The following CEP63 variants were observed in gnomAD, a reference collection of about 807,000 sequenced individuals.
The protein encoded by CEP63 is centrosomal protein 63, also known as centrosomal protein of 63 kDa.
In CEP63, 84 loss-of-function variants were observed where a neutral mutation model predicts 89.1. The observed-to-expected ratio is 0.94, with a 90% CI of 0.79 to 1.13. The LOEUF (loss-of-function observed/expected upper bound fraction) is 1.13. CEP63 is among the 50% of genes most tolerant of loss of function. The pLI, the probability that CEP63 is intolerant of heterozygous loss-of-function variation, is 0.00. For synonymous variants in CEP63, 267 were observed against 272.5 expected (o/e 0.98, Z 0.20); for missense variants, 838 against 813.3 (o/e 1.03, Z -0.37).
the CEP63 span, among the ~76,000 whole-genome samples, chr3:134,707,301 G>A: frequency 6.6e-6 from 1 of 152,044 alleles, no homozygotes; most frequent in African/African-American, 2.4e-5. Context: ...TTTTTTTTCA[G>A]GAGCTCAGAG....
chr3:134,561,843 T>C lies in CEP63; in HGVS notation c.*308T>C. The C allele has an allele frequency of 4.5e-6, 5 of 1,105,956 alleles. No homozygotes were observed. The highest frequency in any genetic ancestry group is 5.5e-6 in the Non-Finnish European group (5 of 903,356). The allele number at this position is 1,105,956 out of a possible 1,614,324, so 68.5% of individuals were successfully genotyped here. ...GACTTAAATGTGAATAGCTATGTAC[T>C]AATTGAAATAAGGATTTTATGATAC... On this transcript the variant is annotated 3_prime_UTR_variant, in exon 15 of 15. Transcript: ENST00000675561.
At chr3:134,664,758 CT>C in the CEP63 span, among the ~76,000 whole-genome samples, 100 of 100,144 alleles carry the variant, frequency 1.0e-3, 1 homozygote, top group South Asian at 5.3e-3. Context: ...TTGGAAGAGT[CT>C]TTTCATTTTT....
At chr3:134,510,692 A>G in intron 3 of CEP63, 2 of 571,826 alleles carry the variant, frequency 3.5e-6, no homozygotes, top group Non-Finnish European at 6.6e-6. Flanking sequence ...CTAGCATGAA[A>G]CTGGAGGTGA....
At chr3:134,705,269 G>A in the CEP63 span, among the ~76,000 whole-genome samples, 1 of 152,150 alleles carries the variant, frequency 6.6e-6, no homozygotes, top group East Asian at 1.9e-4. Context: ...TTTTTGTGCT[G>A]TGTCATAACA....
At chr3:134,703,672 A>G in the CEP63 span, among the ~76,000 whole-genome samples, 1 of 152,122 alleles carries the variant, frequency 6.6e-6, no homozygotes, top group Admixed American at 6.5e-5. Flanking sequence ...AGAATAGCTA[A>G]TGGATGCTGG....
chr3:134,719,127 T>C, the CEP63 span, among the ~76,000 whole-genome samples: 1 of 152,164 alleles, frequency 6.6e-6, no homozygotes, highest in Admixed American at 6.5e-5. Flanking sequence ...GTACAAGGAC[T>C]TGTTTTCATC....
chr3:134,604,348 G>A, the CEP63 span: 2 of 1,613,972 alleles, frequency 1.2e-6, no homozygotes, highest in Non-Finnish European at 1.7e-6. Context: ...CATGGTTGGA[G>A]GGTACACCTC....
Position 134,488,465 on chromosome 3 carries a change from C to T in CEP63, c.-26+2263C>T, listed in dbSNP as rs902550391. On this transcript the variant is annotated intron_variant, in intron 1 of 14. Transcript: ENST00000675561. ...CTACTGAAAATGCAATAAAATTAGC[C>T]GAGTGTGGTGGTGTGCGCCTGTAAT... Among the ~76,000 whole-genome samples the T allele has an allele frequency of 4.6e-5, 7 of 151,756 alleles. No individual in the cohort carries two copies. In the South Asian group the frequency reaches 6.2e-4, roughly 14 times the overall value.
At chr3:134,517,098 A>G (rs570406593) in intron 3 of CEP63, among the ~76,000 whole-genome samples, 1 of 152,248 alleles carries the variant, frequency 6.6e-6, no homozygotes, top group African/African-American at 2.4e-5. Context: ...CCAGCTGCTT[A>G]CTTCAGTAAT....
At chr3:134,610,377 G>A in the CEP63 span, 12 of 1,610,692 alleles carry the variant, frequency 7.5e-6, no homozygotes, top group South Asian at 4.4e-5. Flanking sequence ...ACTGCACTCC[G>A]GCGAGCCTGG....
At chr3:134,700,837 T>TAC in the CEP63 span, among the ~76,000 whole-genome samples, 1 of 152,128 alleles carries the variant, frequency 6.6e-6, no homozygotes, top group East Asian at 1.9e-4. Flanking sequence ...TTCTTACAGT[T>TAC]ACAGGTTTGC....
the CEP63 span, among the ~76,000 whole-genome samples, chr3:134,740,942 G>A: frequency 4.6e-5 from 7 of 152,028 alleles, no homozygotes; most frequent in Admixed American, 4.6e-4. Context: ...CTTGTTTCTT[G>A]GTGCACTTTT....
At chr3:134,719,546 G>A in the CEP63 span, among the ~76,000 whole-genome samples, 44 of 152,226 alleles carry the variant, frequency 2.9e-4, no homozygotes, top group African/African-American at 8.4e-4. Flanking sequence ...ACATGGTTGT[G>A]ACATCATCAC....
chr3:134,647,238 G>A, the CEP63 span, among the ~76,000 whole-genome samples: 9 of 152,198 alleles, frequency 5.9e-5, no homozygotes, highest in Non-Finnish European at 1.3e-4. Context: ...CAGCCTCCAG[G>A]AGAGCAGGGG....
chr3:134,523,088 G>T (rs1662105701), intron 3 of CEP63, among the ~76,000 whole-genome samples: 1 of 152,070 alleles, frequency 6.6e-6, no homozygotes, highest in Non-Finnish European at 1.5e-5. Flanking sequence ...TTAAATAATA[G>T]CCATTCTGAC....
At chr3:134,691,103 C>G in the CEP63 span, among the ~76,000 whole-genome samples, 3 of 152,184 alleles carry the variant, frequency 2.0e-5, no homozygotes, top group Non-Finnish European at 2.9e-5. Context: ...GCCTGTAATT[C>G]CAGCACTTTG....
chr3:134,530,009 G>A (rs919713063), intron 3 of CEP63, among the ~76,000 whole-genome samples: 3 of 151,894 alleles, frequency 2.0e-5, no homozygotes, highest in Non-Finnish European at 4.4e-5. Context: ...GAGTAGCTGG[G>A]ACTACAGGCA....
chr3:134,581,738 C>G (rs1393288350), intron 10 of CEP63, among the ~76,000 whole-genome samples: 9 of 120,438 alleles, frequency 7.5e-5, no homozygotes, highest in Non-Finnish European at 3.3e-5. Flanking sequence ...TGCAGTGGCG[C>G]GATCTCGGCT....
At chr3:134,644,648 C>G in the CEP63 span, among the ~76,000 whole-genome samples, 1 of 152,232 alleles carries the variant, frequency 6.6e-6, no homozygotes, top group South Asian at 2.1e-4. Context: ...AAGTATGCCT[C>G]TGGGGCATTG....
Sources: allele counts gnomAD v4.1 joint callset (sites outside exome capture counted in the v4.1 genomes callset), GRCh38; gene constraint gnomAD v4.1.1; transcripts MANE v1.5; gene names NCBI Gene and HGNC (gene_info 2026-07-23, HGNC 2026-07-21).